The following UGGT2 variants were observed in gnomAD, a reference collection of about 807,000 sequenced individuals.
UGGT2 encodes UDP-glucose:glycoprotein glucosyltransferase 2.
UGGT2 carries 180 observed loss-of-function variants against 192.1 expected under a neutral mutation model. That is an observed-to-expected ratio of 0.94 (90% confidence interval 0.83 to 1.06). The LOEUF is 1.06. Among genes scored for constraint, UGGT2 ranks in the 50% least tolerant of loss-of-function variants. The probability of loss-of-function intolerance (pLI) is 0.00; values close to 1 mark genes in which losing one functional copy is unlikely to be tolerated. For missense variants in UGGT2, 1,849 were observed against 1,795.7 expected (o/e 1.03, Z -0.54); for synonymous variants, 580 against 591.0 (o/e 0.98, Z 0.27).
At chr13:95,815,254 G>C (rs1345243859) in intron 38 of UGGT2, among the ~76,000 whole-genome samples, 1 of 152,012 alleles carries the variant, frequency 6.6e-6, no homozygotes, top group Non-Finnish European at 1.5e-5. Flanking sequence ...TATGAAGACT[G>C]GAAAGGAAAA....
rs180756370 is a variant in UGGT2 at position 96,042,991 on chromosome 13, C to T, written c.158+10164G>A. On this transcript the variant is annotated intron_variant, in intron 1 of 38. Transcript: ENST00000376747. ...CCACCCTTTCTAGAGACCTAGACAT[C>T]CAAATACAAGAAGCTCAAAGAACAC... 8.3e-3 allele frequency among the ~76,000 whole-genome samples: 1,257 copies of T among 152,196 alleles called. 4 individuals carry two copies. The highest frequency in any genetic ancestry group is 0.021 in the Middle Eastern group (6 of 292).
At chr13:95,978,618 C>G (rs1286237807) in intron 10 of UGGT2, among the ~76,000 whole-genome samples, 1 of 152,152 alleles carries the variant, frequency 6.6e-6, no homozygotes, top group Non-Finnish European at 1.5e-5. Context: ...TGTCCTAAAG[C>G]ATTTCCCCAA....
At chr13:95,979,243 A>G (rs993564387) in intron 10 of UGGT2, among the ~76,000 whole-genome samples, 6 of 152,178 alleles carry the variant, frequency 3.9e-5, no homozygotes, top group Non-Finnish European at 8.8e-5. Context: ...ATGAACTTCC[A>G]AAGGAAATTT....
At position 95,983,875 on chromosome 13, in the gene UGGT2, G is replaced by T. The variant is rs370096340; in HGVS notation, c.1032-11C>A. 1.4e-5 allele frequency: 21 copies of T among 1,512,578 alleles called. No homozygotes were observed. The highest frequency in any genetic ancestry group is 1.9e-5 in the Non-Finnish European group (21 of 1,109,702). 93.7% of individuals were successfully genotyped at this position (1,512,578 alleles called of 1,614,324 possible). A position where few individuals can be genotyped will look rare whatever the true frequency, so the allele number is the denominator to read the frequency against. On this transcript the variant is annotated splice_polypyrimidine_tract_variant and intron_variant, in intron 9 of 38. Coordinates refer to ENST00000376747, the MANE Select transcript of UGGT2 (RefSeq NM_020121.4). ...ATTCTGGTTAGAGATCTGGAAAAATGAATACTAATATAATTGATCCTTCCT... is the reference window on the plus strand; with the variant it reads ...ATTCTGGTTAGAGATCTGGAAAAATTAATACTAATATAATTGATCCTTCCT...
At position 95,925,720 on chromosome 13, in the gene UGGT2, G is replaced by C; in HGVS notation, c.2255C>G (p.Pro752Arg). The C allele has an allele frequency of 6.3e-7, 1 of 1,579,688 alleles. No individual in the cohort carries two copies. Among genetic ancestry groups the C allele is most frequent in the Non-Finnish European group, 8.6e-7 (1 of 1,159,728 alleles). The change falls in exon 20 of 39, where the codon CCT (proline) becomes CGT (arginine). Residue 752 changes from proline (P) to arginine (R), a missense_variant. Coordinates refer to ENST00000376747, the MANE Select transcript of UGGT2 (RefSeq NM_020121.4). ...ATTAAAAAGAAGTTTTCTCCCAGAAGGCTTATCAAAATCTGCAATAATCCA... is the reference window on the plus strand; with the variant it reads ...ATTAAAAAGAAGTTTTCTCCCAGAACGCTTATCAAAATCTGCAATAATCCA... The part of the protein sequence containing the change: ...TLWIIADFDK[P>R]SGRKLLFNAL...
intron 12 of UGGT2, 117 bp from the exon 13 acceptor site, chr13:95,949,571 A>G: frequency 9.6e-7 from 1 of 1,046,624 alleles, no homozygotes; most frequent in East Asian, 3.2e-5. Flanking sequence ...TATATTTCTG[A>G]TTAAATAGAG....
chr13:95,936,461 C>T (rs1404689033), intron 17 of UGGT2, among the ~76,000 whole-genome samples: 2 of 152,218 alleles, frequency 1.3e-5, no homozygotes, highest in Non-Finnish European at 2.9e-5. Context: ...GTGGTCTGGC[C>T]TCCCTGCTCA....
chr13:95,846,161 G>A (rs989686916), intron 36 of UGGT2, among the ~76,000 whole-genome samples: 7 of 152,314 alleles, frequency 4.6e-5, no homozygotes, highest in Admixed American at 1.3e-4. Context: ...ACGAGACTCC[G>A]TGTGCAATCC....
At chr13:95,888,450 T>C (rs1479646917) in intron 25 of UGGT2, among the ~76,000 whole-genome samples, 2 of 152,172 alleles carry the variant, frequency 1.3e-5, no homozygotes, top group Non-Finnish European at 2.9e-5. Context: ...TTACTAATTT[T>C]GATAGTCCCC....
At chr13:95,922,781 C>T (rs1378725677) in intron 20 of UGGT2, among the ~76,000 whole-genome samples, 1 of 152,066 alleles carries the variant, frequency 6.6e-6, no homozygotes, top group Non-Finnish European at 1.5e-5. Flanking sequence ...CGAGATCACA[C>T]CATTGTACTC....
At chr13:96,044,094 C>G (rs1213292701) in intron 1 of UGGT2, among the ~76,000 whole-genome samples, 1 of 152,108 alleles carries the variant, frequency 6.6e-6, no homozygotes, top group African/African-American at 2.4e-5. Flanking sequence ...GAAACTTTTT[C>G]CAAGGTAGAC....
chr13:96,010,794 C>T (rs1419570473), intron 5 of UGGT2, among the ~76,000 whole-genome samples: 1 of 152,028 alleles, frequency 6.6e-6, no homozygotes, highest in Admixed American at 6.6e-5. Context: ...CAAGAAGAGA[C>T]AAAGGAATTA....
chr13:95,942,030 C>A (rs1475821519), intron 15 of UGGT2, among the ~76,000 whole-genome samples: 2 of 152,124 alleles, frequency 1.3e-5, no homozygotes, highest in Non-Finnish European at 2.9e-5. Context: ...TCTTCTATGA[C>A]TTCATTATGT....
chr13:95,873,592 GCTCT>G (rs951542600), intron 29 of UGGT2, among the ~76,000 whole-genome samples: 9 of 152,278 alleles, frequency 5.9e-5, no homozygotes, highest in African/African-American at 2.2e-4. Context: ...TTGCATGCAT[GCTCT>G]CTCTTTCTCT....
intron 20 of UGGT2, among the ~76,000 whole-genome samples, chr13:95,906,476 G>A (rs988653148): frequency 6.6e-5 from 10 of 152,206 alleles, no homozygotes; most frequent in Non-Finnish European, 8.8e-5. Flanking sequence ...TCAGAGAAAC[G>A]TGGGACACCA....
At chr13:95,877,161 C>T (rs1891773486) in intron 29 of UGGT2, 118 bp downstream of exon 29, 1 of 835,794 alleles carries the variant, frequency 1.2e-6, no homozygotes, top group Non-Finnish European at 1.8e-6. Context: ...GGATTACAGG[C>T]TTGAGCCACT....
chr13:95,987,039 C>G (rs572621746), intron 8 of UGGT2, among the ~76,000 whole-genome samples: 115 of 152,202 alleles, frequency 7.6e-4, no homozygotes, highest in Non-Finnish European at 1.2e-3. Context: ...AGATTTAAAA[C>G]TAAATTCTTT....
intron 22 of UGGT2, among the ~76,000 whole-genome samples, chr13:95,899,660 C>T (rs983931098): frequency 1.3e-5 from 2 of 152,020 alleles, no homozygotes; most frequent in Non-Finnish European, 2.9e-5. Flanking sequence ...TTGTTTCCCT[C>T]TTTATCCCTT....
intron 15 of UGGT2, among the ~76,000 whole-genome samples, chr13:95,946,588 C>G (rs1267289077): frequency 6.6e-6 from 1 of 152,130 alleles, no homozygotes; most frequent in Non-Finnish European, 1.5e-5. Flanking sequence ...CTATGCTGGT[C>G]TCGAGCTGCT....
Sources: gnomAD v4.1 joint callset for allele counts (sites outside exome capture counted in the v4.1 genomes callset) on GRCh38, gnomAD v4.1.1 for gene constraint, MANE v1.5 for transcripts, NCBI Gene and HGNC (gene_info 2026-07-23, HGNC 2026-07-21) for gene names.